The following NOL4 variants were observed in gnomAD, a reference collection of about 807,000 sequenced individuals.
The protein encoded by NOL4 is cancer/testis antigen 125.
NOL4 carries 17 observed loss-of-function variants against 75.9 expected under a neutral mutation model. The observed-to-expected ratio is 0.22, with a 90% CI of 0.15 to 0.34. The LOEUF is 0.34. NOL4 is among the 10% of genes least tolerant of loss of function. NOL4 has a pLI of 1.00. For missense variants in NOL4, 614 were observed against 793.5 expected (o/e 0.77, Z 2.72); for synonymous variants, 292 against 289.9 (o/e 1.01, Z -0.07).
At chr18:34,039,986 T>C (rs772877099) in intron 5 of NOL4, among the ~76,000 whole-genome samples, 8 of 152,042 alleles carry the variant, frequency 5.3e-5, no homozygotes, top group Non-Finnish European at 8.8e-5. Context: ...GTAAGTATTC[T>C]GAGCATCTTT....
chr18:34,207,541 A>G (rs2146532559), intron 1 of NOL4, among the ~76,000 whole-genome samples: 1 of 152,342 alleles, frequency 6.6e-6, no homozygotes. Context: ...AGACTTTGCC[A>G]TGGTGCTTTG....
chr18:34,069,395 C>T (rs562144136), intron 5 of NOL4, among the ~76,000 whole-genome samples: 78 of 152,166 alleles, frequency 5.1e-4, no homozygotes, highest in African/African-American at 1.7e-3. Flanking sequence ...TGGTCAGTGA[C>T]CTGTGGCATA....
chr18:34,088,965 GA>G (rs2078375654), intron 5 of NOL4, among the ~76,000 whole-genome samples: 1 of 151,904 alleles, frequency 6.6e-6, no homozygotes, highest in Admixed American at 6.6e-5. Context: ...CTAGCCTGGG[GA>G]AAAATATTTT....
intron 2 of NOL4, among the ~76,000 whole-genome samples, chr18:34,112,500 A>T (rs1246554981): frequency 2.6e-5 from 4 of 152,140 alleles, no homozygotes; most frequent in Non-Finnish European, 2.9e-5. Flanking sequence ...GTCACTACAC[A>T]TACATAATGA....
intron 9 of NOL4, among the ~76,000 whole-genome samples, chr18:33,894,729 A>T (rs1342136345): frequency 2.0e-5 from 3 of 152,126 alleles, no homozygotes; most frequent in Non-Finnish European, 4.4e-5. Flanking sequence ...GATTTTATTA[A>T]CAATAAAGGT....
intron 10 of NOL4, among the ~76,000 whole-genome samples, chr18:33,859,569 AT>A (rs1263365895): frequency 6.6e-6 from 1 of 152,014 alleles, no homozygotes; most frequent in Non-Finnish European, 1.5e-5. Context: ...TTTTAATTTA[AT>A]TTTGAGGCTT....
chr18:34,165,267 C>T (rs1386544538), intron 1 of NOL4, among the ~76,000 whole-genome samples: 1 of 125,814 alleles, frequency 7.9e-6, no homozygotes, highest in African/African-American at 2.9e-5. Flanking sequence ...AAAATAAAGA[C>T]TGTGTATAGA....
chr18:33,972,163 C>CAAAA (rs34438324), intron 6 of NOL4, among the ~76,000 whole-genome samples: 9 of 101,170 alleles, frequency 8.9e-5, no homozygotes, highest in Admixed American at 3.3e-4. Context: ...GACTCTGTCT[C>CAAAA]AAAAAAAAAA....
chr18:33,880,820 T>G (rs945410158), intron 10 of NOL4, among the ~76,000 whole-genome samples: 5 of 151,946 alleles, frequency 3.3e-5, no homozygotes, highest in African/African-American at 1.2e-4. Context: ...TAGTTGAGTT[T>G]TTTTTTTTTA....
intron 6 of NOL4, among the ~76,000 whole-genome samples, chr18:33,983,924 G>A (rs991567845): frequency 7.2e-5 from 11 of 151,950 alleles, no homozygotes; most frequent in African/African-American, 2.7e-4. Flanking sequence ...AGAAAAAATA[G>A]TAAAAATCTA....
At chr18:33,920,864 G>A (rs2066996334) in intron 9 of NOL4, among the ~76,000 whole-genome samples, 1 of 152,210 alleles carries the variant, frequency 6.6e-6, no homozygotes, top group South Asian at 2.1e-4. Context: ...CAAGGGCAAA[G>A]CAATGAGCCC....
intron 5 of NOL4, among the ~76,000 whole-genome samples, chr18:34,032,988 G>A (rs561591726): frequency 1.1e-4 from 16 of 152,186 alleles, no homozygotes; most frequent in Middle Eastern, 3.4e-3. Context: ...CTACACTACC[G>A]CACACATCTA....
chr18:33,853,055 A>G lies in NOL4; in HGVS notation c.1724-20T>C, dbSNP rs774052153. 1 of 1,568,116 alleles carries G rather than the reference A, an allele frequency of 6.4e-7. No individual in the cohort carries two copies. Among genetic ancestry groups the G allele is most frequent in the Admixed American group, 1.9e-5 (1 of 52,124 alleles). On this transcript the variant is annotated intron_variant, in intron 10 of 10. Transcript: ENST00000261592. ...TGGGTCCTAGAAAGAAAATCATCAC[A>G]AAATTAGACATAAATATTATTTGTT...
At chr18:34,145,043 G>T (rs1484151685) in intron 1 of NOL4, among the ~76,000 whole-genome samples, 1 of 152,036 alleles carries the variant, frequency 6.6e-6, no homozygotes, top group Non-Finnish European at 1.5e-5. Flanking sequence ...TATCTGCTTT[G>T]GAGGTAATTT....
rs113866302 is a variant in NOL4 at position 33,902,764 on chromosome 18, T to C, written c.1543-19340A>G. 7.8e-3 allele frequency among the ~76,000 whole-genome samples: 1,192 copies of C among 152,282 alleles called. 11 individuals are homozygous for C. Among genetic ancestry groups the C allele is most frequent in the Non-Finnish European group, 0.01 (711 of 68,012 alleles). ...AGCAATCACATTGCAGGTTTTTCTT[T>C]GCCTTTTTCGTAACTGGCCTAAAAA... On this transcript the variant is annotated intron_variant, in intron 9 of 10. Coordinates refer to ENST00000261592, the MANE Select transcript of NOL4 (RefSeq NM_003787.5).
chr18:34,215,137 T>A (rs148499230), intron 1 of NOL4, among the ~76,000 whole-genome samples: 2 of 152,310 alleles, frequency 1.3e-5, no homozygotes, highest in African/African-American at 2.4e-5. Context: ...GTAAAATGAT[T>A]AATATGGTAA....
intron 5 of NOL4, among the ~76,000 whole-genome samples, chr18:34,024,434 T>G (rs529447216): frequency 2.6e-5 from 4 of 151,686 alleles, no homozygotes; most frequent in South Asian, 4.2e-4. Context: ...CTGAAAAGAT[T>G]AGTACCTTCA....
intron 5 of NOL4, among the ~76,000 whole-genome samples, chr18:34,054,780 C>T (rs1297803039): frequency 6.6e-6 from 1 of 151,696 alleles, no homozygotes; most frequent in Non-Finnish European, 1.5e-5. Context: ...AGCTCTATTA[C>T]TTCTCCTTTC....
intron 1 of NOL4, among the ~76,000 whole-genome samples, chr18:34,141,705 T>C (rs1318104604): frequency 1.3e-5 from 2 of 152,170 alleles, no homozygotes; most frequent in South Asian, 2.1e-4. Context: ...AAGACTTAAA[T>C]GTTAGACCTA....
Sources: allele counts gnomAD v4.1 joint callset (sites outside exome capture counted in the v4.1 genomes callset), GRCh38; gene constraint gnomAD v4.1.1; transcripts MANE v1.5; gene names NCBI Gene and HGNC (gene_info 2026-07-23, HGNC 2026-07-21).